TTLL3: variants seen among roughly 807,000 people sequenced by gnomAD.
TTLL3 encodes tubulin tyrosine ligase like 3, also known as tubulin monoglycylase TTLL3.
A neutral mutation model predicts 75.2 loss-of-function variants in TTLL3; 63 were observed. The observed-to-expected ratio is 0.84, with a 90% CI of 0.68 to 1.03. The LOEUF is 1.03. TTLL3 is among the 50% of genes least tolerant of loss of function. The probability of loss-of-function intolerance (pLI) is 0.00; values close to 1 mark genes in which losing one functional copy is unlikely to be tolerated. For missense variants in TTLL3, 997 were observed against 1,069.9 expected (o/e 0.93, Z 0.95); for synonymous variants, 393 against 418.5 (o/e 0.94, Z 0.74).
At chr3:9,832,841 G>A (rs1170926362) in intron 11 of TTLL3, among the ~76,000 whole-genome samples, 1 of 152,210 alleles carries the variant, frequency 6.6e-6, no homozygotes, top group Non-Finnish European at 1.5e-5. Context: ...GCAGGGGCTG[G>A]GGGCAGCTTA....
At position 9,828,978 on chromosome 3, in the gene TTLL3, C is replaced by G; in HGVS notation, c.1266C>G (p.Asn422Lys). 6.2e-7 allele frequency: 1 copy of G among 1,614,220 alleles called. No homozygotes were observed. Reference sequence around the variant, plus strand: ...GCCCCAGCTCAGTGCACCTGTGCAACAACTCCATCCAGAAGCACCTGGAGA... The same window carrying G: ...GCCCCAGCTCAGTGCACCTGTGCAAGAACTCCATCCAGAAGCACCTGGAGA... ...KNLDNSVHLC[N>K]NSIQKHLENS... is the part of the protein sequence containing the mutation. Residue 422 changes from asparagine to lysine, a missense_variant, in exon 11 of 14, where the codon AAC becomes AAG. Physicochemically the swap from Asn to Lys is moderately conservative, Grantham distance 94. Transcript: ENST00000685419.
Position 9,820,683 on chromosome 3 carries a change from C to T in TTLL3, c.796C>T (p.Leu266=), listed in dbSNP as rs374131080. The T allele has an allele frequency of 6.2e-7, 1 of 1,614,172 alleles. No individual in the cohort carries two copies. ...MDIDKDLEAP[L]YLTPEGWSLF... ...CATCGACAAGGACCTGGAGGCCCCG[C>T]TGTACCTCACCCCCGAGGGCTGGTC... is the stretch of plus-strand genomic sequence containing the variant. The change falls in exon 8 of 14, where the codon CTG becomes TTG. Residue 266 remains leucine (L), a synonymous_variant. Transcript: ENST00000685419.
At chr3:9,827,705 C>A in intron 10 of TTLL3, 1 of 198,982 alleles carries the variant, frequency 5.0e-6, no homozygotes, top group South Asian at 9.8e-5. Flanking sequence ...CAGATTTGAC[C>A]GAGTGTGTAC....
At chr3:9,814,855 G>A (rs890729837) in intron 4 of TTLL3, among the ~76,000 whole-genome samples, 3 of 152,004 alleles carry the variant, frequency 2.0e-5, no homozygotes, top group Admixed American at 1.3e-4. Context: ...GAAAGAGTCG[G>A]TGTGATGATG....
intron 8 of TTLL3, among the ~76,000 whole-genome samples, chr3:9,822,920 A>G (rs2080616980): frequency 6.7e-6 from 1 of 149,674 alleles, no homozygotes; most frequent in South Asian, 2.1e-4. Context: ...AATTCATTCA[A>G]TATTTAGTGT....
chr3:9,833,851 A>C (rs2081820642), intron 12 of TTLL3, among the ~76,000 whole-genome samples: 1 of 151,812 alleles, frequency 6.6e-6, no homozygotes, highest in Non-Finnish European at 1.5e-5. Context: ...AAAAACAAAG[A>C]CACAAAAAAA....
chr3:9,818,646 G>T (rs2080119406), intron 6 of TTLL3, 176 bp from the exon 7 acceptor site: 1 of 1,446,046 alleles, frequency 6.9e-7, no homozygotes, highest in African/African-American at 1.4e-5. Context: ...GGGATTACAG[G>T]CGTCAGCCAC....
rs1404848986 is a variant in TTLL3, at chr3:9,820,494, T to A, written c.659-52T>A. 1.9e-6 allele frequency: 3 copies of A among 1,602,802 alleles called. No individual in the cohort carries two copies. In the African/African-American group the frequency reaches 4.0e-5, roughly 21 times the overall value. On this transcript the variant is annotated intron_variant, in intron 7 of 13. Coordinates refer to ENST00000685419, the MANE Select transcript of TTLL3 (RefSeq NM_001387446.1). The stretch of plus-strand genomic sequence containing the variant: ...AGGACAATGGGGGCTGTGGCATGCG[T>A]CAGGTTACCTGCCTTGATATGGGAT...
At chr3:9,831,205 G>T (rs181931122) in intron 11 of TTLL3, among the ~76,000 whole-genome samples, 191 of 152,140 alleles carry the variant, frequency 1.3e-3, no homozygotes, top group Non-Finnish European at 2.1e-3. Flanking sequence ...TTTTCATCTA[G>T]GCCAGCCCCA....
At chr3:9,814,318 A>G (rs2079618445) in intron 4 of TTLL3, among the ~76,000 whole-genome samples, 2 of 151,814 alleles carry the variant, frequency 1.3e-5, no homozygotes, top group South Asian at 4.1e-4. Context: ...CCTGGGTGAC[A>G]GAGCGAGACT....
In TTLL3 at chr3:9,834,527, T is replaced by C. The variant is rs139208935; in HGVS notation, c.1826-154T>C. On this transcript the variant is annotated intron_variant, in intron 12 of 13. Transcript: ENST00000685419. ...AGGTCTGTTGGACTCTACCCTGTTT[T>C]CTTCTCACTGCCTCTGGAGGAGGAA... 1,331 of 1,244,286 alleles carry C rather than the reference T, an allele frequency of 1.1e-3. 12 individuals are homozygous for C. In the East Asian group the frequency reaches 0.012, roughly 11 times the overall value. The allele number at this position is 1,244,286 out of a possible 1,614,324, so 77.1% of individuals were successfully genotyped here. A position where few individuals can be genotyped will look rare whatever the true frequency, so the allele number is the denominator to read the frequency against.
chr3:9,819,322 A>G (rs533203432), intron 7 of TTLL3: 3 of 214,834 alleles, frequency 1.4e-5, no homozygotes, highest in East Asian at 1.4e-4. Flanking sequence ...TCTACTACCT[A>G]TCTGTTCTTC....
At chr3:9,831,924 G>A (rs994116651) in intron 11 of TTLL3, among the ~76,000 whole-genome samples, 2 of 150,630 alleles carry the variant, frequency 1.3e-5, no homozygotes, top group African/African-American at 4.9e-5. Context: ...ATCCCGAGTA[G>A]CTGGGATTAC....
chr3:9,829,242 G>A lies in TTLL3; in HGVS notation c.1530G>A (p.Leu510=). ...FVFGEDFQPW[L]IEINASPTMA... ...TCGGGGAGGACTTCCAGCCCTGGCTGATTGAGATCAACGCCAGCCCCACGA... is the reference window on the plus strand; with the variant it reads ...TCGGGGAGGACTTCCAGCCCTGGCTAATTGAGATCAACGCCAGCCCCACGA... Residue 510 remains leucine, a synonymous_variant, in exon 11 of 14, where the codon CTG becomes CTA. Coordinates refer to ENST00000685419, the MANE Select transcript of TTLL3 (RefSeq NM_001387446.1). 6.2e-7 allele frequency: 1 copy of A among 1,614,230 alleles called. No individual in the cohort carries two copies. The highest frequency in any genetic ancestry group is 1.1e-5 in the South Asian group (1 of 91,086).
At chr3:9,823,559 C>T (rs866045840) in intron 8 of TTLL3, among the ~76,000 whole-genome samples, 3 of 151,814 alleles carry the variant, frequency 2.0e-5, no homozygotes, top group South Asian at 2.1e-4. Flanking sequence ...AATTACGCTC[C>T]TGTGTGATAT....
In TTLL3 at chr3:9,827,220, C is replaced by T; in HGVS notation, c.1227C>T (p.Phe409=). Reference sequence around the variant, plus strand: ...ATATCCGCTTTTCCACGCAGCCCTTCTCCCTGAAGAACCTGGACAAGTGAG... The same window carrying T: ...ATATCCGCTTTTCCACGCAGCCCTTTTCCCTGAAGAACCTGGACAAGTGAG... ...DSYIRFSTQP[F]SLKNLDNSVH... The change falls in exon 10 of 14, where the codon TTC becomes TTT. Residue 409 remains phenylalanine, a synonymous_variant. Coordinates refer to ENST00000685419, the MANE Select transcript of TTLL3 (RefSeq NM_001387446.1). 3 of 1,614,166 alleles carry T rather than the reference C, an allele frequency of 1.9e-6. 1 individual carries two copies. In the South Asian group the frequency reaches 3.3e-5, roughly 18 times the overall value.
intron 8 of TTLL3, among the ~76,000 whole-genome samples, chr3:9,823,154 C>T (rs574828957): frequency 5.3e-5 from 8 of 151,918 alleles, no homozygotes; most frequent in South Asian, 4.2e-4. Context: ...GAGGCCAAGG[C>T]GGGCAGATCA....
chr3:9,822,770 TAC>T (rs2080594159), intron 8 of TTLL3, among the ~76,000 whole-genome samples: 3 of 144,842 alleles, frequency 2.1e-5, no homozygotes, highest in African/African-American at 7.6e-5. Context: ...ACATAATATA[TAC>T]ATATATATAT....
At chr3:9,817,927 T>A in intron 6 of TTLL3, 168 bp downstream of exon 6, 1 of 861,554 alleles carries the variant, frequency 1.2e-6, no homozygotes, top group Non-Finnish European at 1.7e-6. Context: ...TGCCCTCCCT[T>A]AATAAGCCTC....
Sources: gnomAD v4.1 joint callset for allele counts (sites outside exome capture counted in the v4.1 genomes callset) on GRCh38, gnomAD v4.1.1 for gene constraint, MANE v1.5 for transcripts, NCBI Gene and HGNC (gene_info 2026-07-23, HGNC 2026-07-21) for gene names.